FBXL17: variants seen among roughly 807,000 people sequenced by gnomAD.
FBXL17 encodes the protein F-box and leucine rich repeat protein 17.
In FBXL17, 22 loss-of-function variants were observed where a neutral mutation model predicts 66.2. That is an observed-to-expected ratio of 0.33 (90% CI 0.24 to 0.47). The LOEUF (loss-of-function observed/expected upper bound fraction) is 0.47, where lower values mean the gene tolerates loss of function less well. Ranked by LOEUF, FBXL17 falls within the 20% of genes least tolerant of loss-of-function variation. The pLI is 1.00. For synonymous variants in FBXL17, 474 were observed against 400.5 expected (o/e 1.18, Z -2.19); for missense variants, 878 against 948.2 (o/e 0.93, Z 0.97).
chr5:108,283,846 T>C (rs1454440535), intron 4 of FBXL17, among the ~76,000 whole-genome samples: 1 of 151,126 alleles, frequency 6.6e-6, no homozygotes, highest in Admixed American at 6.6e-5. Context: ...AACCAAAGAC[T>C]ACAAATAACC....
intron 7 of FBXL17, among the ~76,000 whole-genome samples, chr5:107,909,650 A>G (rs1046451115): frequency 5.3e-5 from 8 of 152,058 alleles, no homozygotes; most frequent in Non-Finnish European, 1.0e-4. Flanking sequence ...TGCCTGAGGG[A>G]TTTTTCAAGA....
chr5:108,195,557 G>A (rs116475426), intron 5 of FBXL17, among the ~76,000 whole-genome samples: 3,600 of 152,228 alleles, frequency 0.024, 137 homozygotes, highest in African/African-American at 0.082. Flanking sequence ...CTTTTGCTCT[G>A]AGAAATTTGG....
chr5:108,340,203 T>C (rs1410901145), intron 4 of FBXL17, among the ~76,000 whole-genome samples: 1 of 151,488 alleles, frequency 6.6e-6, no homozygotes, highest in Non-Finnish European at 1.5e-5. Flanking sequence ...TAGCAAAGAA[T>C]TTAGAATGAG....
At chr5:107,923,626 G>A (rs966351099) in intron 7 of FBXL17, among the ~76,000 whole-genome samples, 1 of 152,126 alleles carries the variant, frequency 6.6e-6, no homozygotes, top group Non-Finnish European at 1.5e-5. Flanking sequence ...CCTTTTTAAA[G>A]CTTATATTAT....
In FBXL17 at chr5:107,908,835, T is replaced by TA. The variant is rs201349519; in HGVS notation, c.1823-27657dup. On this transcript the variant is annotated intron_variant, in intron 7 of 8. Transcript: ENST00000542267. ...GTTTGAGATCTTCTGAGGACAGTGT[T>TA]AAATGTTAAATGCCAGTTTGAGAAG... 7.6e-3 allele frequency among the ~76,000 whole-genome samples: 1,162 copies of TA among 152,262 alleles called. 9 individuals carry two copies. The highest frequency in any genetic ancestry group is 0.012 in the Admixed American group (189 of 15,290).
At chr5:108,227,623 G>C (rs1444828285) in intron 4 of FBXL17, among the ~76,000 whole-genome samples, 1 of 152,160 alleles carries the variant, frequency 6.6e-6, no homozygotes. Flanking sequence ...TTGGAAGAAA[G>C]AAGTATGTGA....
chr5:108,222,890 T>C (rs560452691), intron 5 of FBXL17, among the ~76,000 whole-genome samples: 1 of 152,052 alleles, frequency 6.6e-6, no homozygotes, highest in African/African-American at 2.4e-5. Flanking sequence ...GCCAGGCTGA[T>C]TTCAGACTCC....
At chr5:107,893,017 A>AT (rs750444255) in intron 7 of FBXL17, among the ~76,000 whole-genome samples, 13 of 152,184 alleles carry the variant, frequency 8.5e-5, no homozygotes, top group Non-Finnish European at 1.5e-4. Context: ...GCTGTCTAAT[A>AT]TACCTGTCTA....
At chr5:108,246,965 G>T (rs920313407) in intron 4 of FBXL17, among the ~76,000 whole-genome samples, 2 of 152,090 alleles carry the variant, frequency 1.3e-5, no homozygotes, top group Non-Finnish European at 2.9e-5. Context: ...ACTATATTCA[G>T]AGTATACATG....
chr5:108,317,914 T>C (rs1759445846), intron 4 of FBXL17, among the ~76,000 whole-genome samples: 1 of 151,720 alleles, frequency 6.6e-6, no homozygotes, highest in East Asian at 1.9e-4. Context: ...AGCTACTATT[T>C]TTATTAGAAT....
chr5:108,167,034 T>C (rs1275698434), intron 6 of FBXL17, among the ~76,000 whole-genome samples: 4 of 152,218 alleles, frequency 2.6e-5, no homozygotes, highest in Non-Finnish European at 4.4e-5. Flanking sequence ...TCTTATTTTA[T>C]GGCAGCATAA....
chr5:108,234,447 T>G (rs1312785279), intron 4 of FBXL17, among the ~76,000 whole-genome samples: 1 of 152,180 alleles, frequency 6.6e-6, no homozygotes, highest in Non-Finnish European at 1.5e-5. Flanking sequence ...AAACTGGGTT[T>G]TAAACACTGG....
chr5:107,984,747 T>C (rs1210271388), intron 7 of FBXL17, among the ~76,000 whole-genome samples: 1 of 152,204 alleles, frequency 6.6e-6, no homozygotes, highest in Non-Finnish European at 1.5e-5. Flanking sequence ...GCTTTTAAGA[T>C]AGATCAGATA....
intron 6 of FBXL17, among the ~76,000 whole-genome samples, chr5:108,050,738 T>TC (rs1205545898): frequency 3.4e-5 from 5 of 147,806 alleles, no homozygotes; most frequent in African/African-American, 1.0e-4. Context: ...GACACGAAAC[T>TC]CCCCCCCAAA....
At chr5:107,989,161 T>C (rs1200230301) in intron 7 of FBXL17, among the ~76,000 whole-genome samples, 1 of 152,120 alleles carries the variant, frequency 6.6e-6, no homozygotes, top group Admixed American at 6.5e-5. Flanking sequence ...TCTTCTCTTC[T>C]GGCTATTTTG....
intron 4 of FBXL17, among the ~76,000 whole-genome samples, chr5:108,316,771 A>G (rs1290546260): frequency 6.6e-6 from 1 of 151,182 alleles, no homozygotes; most frequent in Non-Finnish European, 1.5e-5. Flanking sequence ...AAACCTTAAA[A>G]TAAATAATAT....
At chr5:108,372,297 A>ACCGAACATACATGTGGAACCCCT (rs1749093931) in intron 1 of FBXL17, among the ~76,000 whole-genome samples, 2 of 152,308 alleles carry the variant, frequency 1.3e-5, no homozygotes, top group South Asian at 4.1e-4. Flanking sequence ...GTGGAACCCC[A>ACCGAACATACATGTGGAACCCCT]CCAAACATAC....
At chr5:108,065,844 G>C (rs993293978) in intron 6 of FBXL17, among the ~76,000 whole-genome samples, 1 of 152,014 alleles carries the variant, frequency 6.6e-6, no homozygotes, top group African/African-American at 2.4e-5. Context: ...TGTAAAAAGA[G>C]TAAAATAAAA....
chr5:108,038,407 T>G (rs1018528471), intron 6 of FBXL17, among the ~76,000 whole-genome samples: 1 of 152,028 alleles, frequency 6.6e-6, no homozygotes, highest in African/African-American at 2.4e-5. Flanking sequence ...CCCTCAAAGT[T>G]TAGGGGATCA....
Sources: gnomAD v4.1 joint callset for allele counts (sites outside exome capture counted in the v4.1 genomes callset) on GRCh38, gnomAD v4.1.1 for gene constraint, MANE v1.5 for transcripts, NCBI Gene and HGNC (gene_info 2026-07-23, HGNC 2026-07-21) for gene names.